PDCD1LG2: variants seen among roughly 807,000 people sequenced by gnomAD.
PDCD1LG2 encodes the protein B7 dendritic cell molecule.
PDCD1LG2 carries 32 observed loss-of-function variants against 28.2 expected under a neutral mutation model. That is an observed-to-expected ratio of 1.13 (90% CI 0.86 to 1.52). PDCD1LG2 has a LOEUF of 1.52. Among genes scored for constraint, PDCD1LG2 ranks in the 40% most tolerant of loss-of-function variants. PDCD1LG2 has a pLI of 0.00. For synonymous variants in PDCD1LG2, 116 were observed against 120.2 expected (o/e 0.97, Z 0.23); for missense variants, 385 against 323.8 (o/e 1.19, Z -1.45).
Position 5,531,856 on chromosome 9 carries a change from A to G in PDCD1LG2, c.56-2889A>G, listed in dbSNP as rs1820490082. 3.3e-5 allele frequency among the ~76,000 whole-genome samples: 5 copies of G among 152,238 alleles called. No individual in the cohort carries two copies. The South Asian group carries it at 1.0e-3, about 31-fold the overall frequency. ...TGTAATTAAACAAGAGAAGTATTAT[A>G]GAAGAGTAAAAGTAGTAGGTAATTC... On this transcript the variant is annotated intron_variant, in intron 2 of 6. Transcript: ENST00000397747.
At chr9:5,541,279 A>G (rs897878423) in intron 3 of PDCD1LG2, among the ~76,000 whole-genome samples, 1 of 152,222 alleles carries the variant, frequency 6.6e-6, no homozygotes, top group Non-Finnish European at 1.5e-5. Context: ...AAAAGTTGAA[A>G]GCATTTTCCC....
chr9:5,513,393 G>A (rs1301568465), intron 1 of PDCD1LG2, among the ~76,000 whole-genome samples: 1 of 152,150 alleles, frequency 6.6e-6, no homozygotes, highest in South Asian at 2.1e-4. Context: ...AACTTCTAGG[G>A]CTTTTGCAAT....
chr9:5,557,255 A>G (rs10815243), intron 4 of PDCD1LG2, among the ~76,000 whole-genome samples: 24,367 of 97,760 alleles, frequency 0.25, 2,076 homozygotes, highest in South Asian at 0.31. Flanking sequence ...ATTAGATGAT[A>G]GATGGATGGA....
chr9:5,561,033 C>A (rs1299390396), intron 5 of PDCD1LG2, among the ~76,000 whole-genome samples: 1 of 152,030 alleles, frequency 6.6e-6, no homozygotes, highest in Non-Finnish European at 1.5e-5. Flanking sequence ...CTCTGATTCA[C>A]CAATATATGC....
In PDCD1LG2 at chr9:5,510,807, A is replaced by T. The variant is rs1337033306; in HGVS notation, c.-15+4A>T. 6.6e-6 allele frequency: 1 copy of T among 152,050 alleles called. No individual in the cohort carries two copies. Among genetic ancestry groups the T allele is most frequent in the East Asian group, 1.9e-4 (1 of 5,144 alleles). 9.4% of individuals were successfully genotyped at this position (152,050 alleles called of 1,614,324 possible). On this transcript the variant is annotated splice_donor_region_variant and intron_variant, in intron 1 of 6. Coordinates refer to ENST00000397747, the MANE Select transcript of PDCD1LG2 (RefSeq NM_025239.4). ...TGGAGCTGTGGCAAGTCCTCATGTG[A>T]GTAACGAGTGGGTTGAGATACTCTC...
At chr9:5,543,648 C>A (rs1364422159) in intron 3 of PDCD1LG2, among the ~76,000 whole-genome samples, 1 of 151,626 alleles carries the variant, frequency 6.6e-6, no homozygotes, top group African/African-American at 2.4e-5. Flanking sequence ...GACAACTGTA[C>A]GTTTAAGCCT....
At chr9:5,513,839 T>C (rs1030495501) in intron 1 of PDCD1LG2, among the ~76,000 whole-genome samples, 1 of 152,166 alleles carries the variant, frequency 6.6e-6, no homozygotes, top group African/African-American at 2.4e-5. Flanking sequence ...CAATGGAAAA[T>C]GGTAGGACCT....
intron 1 of PDCD1LG2, among the ~76,000 whole-genome samples, chr9:5,511,426 G>A (rs565485964): frequency 1.9e-4 from 29 of 152,300 alleles, no homozygotes; most frequent in Middle Eastern, 3.4e-3. Flanking sequence ...ATTGCTCACC[G>A]CCTGGATGCA....
At chr9:5,537,949 C>G (rs927405836) in intron 3 of PDCD1LG2, among the ~76,000 whole-genome samples, 5 of 152,078 alleles carry the variant, frequency 3.3e-5, no homozygotes, top group African/African-American at 9.7e-5. Context: ...GAAAAGTTTT[C>G]ATTTCAATAG....
Position 5,569,953 on chromosome 9 carries a change from G to T in PDCD1LG2, c.817-1G>T. 1 of 1,613,992 alleles carries T rather than the reference G, an allele frequency of 6.2e-7. No individual in the cohort carries two copies. On this transcript the variant is annotated splice_acceptor_variant, in intron 6 of 6. Coordinates refer to ENST00000397747, the MANE Select transcript of PDCD1LG2 (RefSeq NM_025239.4). LOFTEE classifies it high-confidence loss of function. This position sits in a 1 kb window ranked among gnomAD's most constrained non-coding sequence, Gnocchi z 4.1. Reference sequence around the variant, plus strand: ...TCTTATTTGTGGGCTTTTCTCCCCAGATCTGAACCTGTGGTCTTGGGAGCC... The same window carrying T: ...TCTTATTTGTGGGCTTTTCTCCCCATATCTGAACCTGTGGTCTTGGGAGCC...
intron 3 of PDCD1LG2, among the ~76,000 whole-genome samples, chr9:5,545,796 A>G (rs1461794253): frequency 6.6e-6 from 1 of 152,184 alleles, no homozygotes; most frequent in Non-Finnish European, 1.5e-5. Context: ...TATAGAACAT[A>G]CACCCAGCAA....
chr9:5,537,206 C>T (rs1164242244), intron 3 of PDCD1LG2, among the ~76,000 whole-genome samples: 1 of 152,070 alleles, frequency 6.6e-6, no homozygotes, highest in African/African-American at 2.4e-5. Flanking sequence ...GCTTCCATTC[C>T]CATTGATTTA....
At chr9:5,555,862 A>G (rs1485490195) in intron 4 of PDCD1LG2, among the ~76,000 whole-genome samples, 1 of 152,248 alleles carries the variant, frequency 6.6e-6, no homozygotes, top group East Asian at 1.9e-4. Context: ...GCTTGGAAAC[A>G]TAGTCTCTGA....
chr9:5,544,663 T>G (rs969287461), intron 3 of PDCD1LG2, among the ~76,000 whole-genome samples: 33 of 152,142 alleles, frequency 2.2e-4, no homozygotes, highest in Non-Finnish European at 4.0e-4. Flanking sequence ...GGTGGGATAA[T>G]AATACAGTTG....
At chr9:5,554,122 G>A (rs1816390864) in intron 4 of PDCD1LG2, among the ~76,000 whole-genome samples, 1 of 152,108 alleles carries the variant, frequency 6.6e-6, no homozygotes, top group African/African-American at 2.4e-5. Flanking sequence ...AACTATGCTT[G>A]CCTTTTTAAT....
At chr9:5,549,078 A>G (rs1586812607) in intron 3 of PDCD1LG2, among the ~76,000 whole-genome samples, 2 of 152,124 alleles carry the variant, frequency 1.3e-5, no homozygotes, top group African/African-American at 2.4e-5. Flanking sequence ...AAAACACTCA[A>G]CTTCTCTATC....
At chr9:5,516,614 G>A (rs1446375732) in intron 1 of PDCD1LG2, among the ~76,000 whole-genome samples, 5 of 152,188 alleles carry the variant, frequency 3.3e-5, no homozygotes, top group South Asian at 2.1e-4. Flanking sequence ...TGTTCGTGCC[G>A]AGGGGTGCCT....
chr9:5,522,394 TCTC>T (rs942854364), intron 1 of PDCD1LG2, 136 bp from the exon 2 acceptor site: 3 of 592,760 alleles, frequency 5.1e-6, no homozygotes, highest in Admixed American at 2.7e-5. Flanking sequence ...ACCTATAACT[TCTC>T]CTCCCAGCTC....
intron 3 of PDCD1LG2, among the ~76,000 whole-genome samples, chr9:5,536,344 C>T (rs143833097): frequency 6.6e-6 from 1 of 152,028 alleles, no homozygotes; most frequent in East Asian, 1.9e-4. Flanking sequence ...GTTAAAAGAC[C>T]CTCAGTTGTT....
Sources: gnomAD v4.1 joint callset for allele counts (sites outside exome capture counted in the v4.1 genomes callset) on GRCh38, gnomAD v4.1.1 for gene constraint, Gnocchi (gnomAD v3.1) non-coding constraint, MANE v1.5 for transcripts, NCBI Gene and HGNC (gene_info 2026-07-23, HGNC 2026-07-21) for gene names.